MYRIP: variants seen among roughly 807,000 people sequenced by gnomAD.
MYRIP encodes the protein rab effector MyRIP.
Under a neutral mutation model 98.0 loss-of-function variants are expected in MYRIP, and 49 were observed. The ratio of observed to expected loss-of-function variants is 0.50; its 90% CI spans 0.40 to 0.63. The LOEUF is 0.63. Among genes scored for constraint, MYRIP ranks in the 30% least tolerant of loss-of-function variants. The pLI, the probability that MYRIP is intolerant of heterozygous loss-of-function variation, is 0.00. For missense variants in MYRIP, 1,004 were observed against 1,058.2 expected (o/e 0.95, Z 0.71); for synonymous variants, 404 against 409.5 (o/e 0.99, Z 0.16).
At chr3:40,017,239 C>A (rs764044623) in intron 2 of MYRIP, among the ~76,000 whole-genome samples, 1 of 152,200 alleles carries the variant, frequency 6.6e-6, no homozygotes, top group South Asian at 2.1e-4. Flanking sequence ...AACAAGGCAC[C>A]TTTCCCAGTG....
At chr3:40,225,493 C>T (rs1952462794) in intron 11 of MYRIP, among the ~76,000 whole-genome samples, 1 of 152,204 alleles carries the variant, frequency 6.6e-6, no homozygotes, top group Admixed American at 6.5e-5. Context: ...CATCACTTCC[C>T]ACAGTCCACT....
intron 3 of MYRIP, among the ~76,000 whole-genome samples, chr3:40,083,730 A>C (rs936218901): frequency 6.6e-6 from 1 of 152,214 alleles, no homozygotes; most frequent in Non-Finnish European, 1.5e-5. Context: ...CTCCATCTCA[A>C]ACCATGGAGG....
chr3:39,891,782 T>G, intron 1 of MYRIP, among the ~76,000 whole-genome samples: 1 of 152,136 alleles, frequency 6.6e-6, no homozygotes, highest in East Asian at 1.9e-4. Flanking sequence ...ACATGAAGAA[T>G]AAAAATAATA....
At chr3:40,074,255 T>G (rs1228270718) in intron 3 of MYRIP, among the ~76,000 whole-genome samples, 1 of 151,996 alleles carries the variant, frequency 6.6e-6, no homozygotes, top group Admixed American at 6.6e-5. Context: ...TTTGTGTTTT[T>G]AGTAGAGACA....
intron 3 of MYRIP, among the ~76,000 whole-genome samples, chr3:40,137,528 A>G (rs1164952484): frequency 6.6e-6 from 1 of 152,228 alleles, no homozygotes; most frequent in Non-Finnish European, 1.5e-5. Flanking sequence ...TCCCTAACTC[A>G]TTTTATGAGG....
At position 39,971,434 on chromosome 3, in the gene MYRIP, A is replaced by G. The variant is rs116379054; in HGVS notation, c.110+70508A>G. On this transcript the variant is annotated intron_variant, in intron 2 of 16. Coordinates refer to ENST00000302541, the MANE Select transcript of MYRIP (RefSeq NM_015460.4). ...AGTTACAATAGTATAGATAATAGAT[A>G]GTGTATATATTGATAGTCTAGATTA... Among the ~76,000 whole-genome samples, 1,417 of 152,164 alleles carry G rather than the reference A, an allele frequency of 9.3e-3. 23 individuals are homozygous for G. Among genetic ancestry groups the G allele is most frequent in the African/African-American group, 0.031 (1,303 of 41,542 alleles).
At chr3:40,181,407 C>T (rs980858327) in intron 8 of MYRIP, among the ~76,000 whole-genome samples, 2 of 152,174 alleles carry the variant, frequency 1.3e-5, no homozygotes, top group African/African-American at 4.8e-5. Flanking sequence ...CTGGTGCTGA[C>T]ATCAACCAGC....
At chr3:40,011,460 A>G (rs1015368518) in intron 2 of MYRIP, among the ~76,000 whole-genome samples, 1 of 152,216 alleles carries the variant, frequency 6.6e-6, no homozygotes, top group Non-Finnish European at 1.5e-5. Context: ...ACTGCCAAGT[A>G]TGAATGAAAA....
At chr3:40,078,916 A>T (rs1948414511) in intron 3 of MYRIP, among the ~76,000 whole-genome samples, 1 of 152,140 alleles carries the variant, frequency 6.6e-6, no homozygotes, top group African/African-American at 2.4e-5. Context: ...AAAGTGGAAT[A>T]TGCTCAGAGA....
chr3:40,135,352 G>T (rs150764486), intron 3 of MYRIP, among the ~76,000 whole-genome samples: 1 of 151,860 alleles, frequency 6.6e-6, no homozygotes, highest in East Asian at 1.9e-4. Flanking sequence ...AAAAAGAAAC[G>T]AAAAAAGCCT....
At chr3:40,145,811 G>T (rs1482338776) in intron 3 of MYRIP, among the ~76,000 whole-genome samples, 1 of 152,204 alleles carries the variant, frequency 6.6e-6, no homozygotes, top group Non-Finnish European at 1.5e-5. Flanking sequence ...CATAAAGCTT[G>T]CTGTGTCCAT....
At chr3:40,198,188 T>C (rs1385084997) in intron 10 of MYRIP, among the ~76,000 whole-genome samples, 1 of 151,050 alleles carries the variant, frequency 6.6e-6, no homozygotes, top group Non-Finnish European at 1.5e-5. Flanking sequence ...AAATACATTT[T>C]CAAAGTAGCT....
In MYRIP at chr3:40,131,460, G is replaced by A. The variant is rs147877783; in HGVS notation, c.333-19588G>A. Among the ~76,000 whole-genome samples, 9 of 152,226 alleles carry A rather than the reference G, an allele frequency of 5.9e-5. No homozygotes were observed. The East Asian group carries it at 1.4e-3, about 23-fold the overall frequency. ...AAATATTATTTTTAAGTGGGAAGCA[G>A]GTTCAAAGAGAGTACATGACTTAAT... is the stretch of plus-strand genomic sequence containing the variant. On this transcript the variant is annotated intron_variant, in intron 3 of 16. Transcript: ENST00000302541.
intron 2 of MYRIP, among the ~76,000 whole-genome samples, chr3:39,928,452 G>A (rs1192579406): frequency 2.0e-5 from 3 of 151,668 alleles, no homozygotes; most frequent in Non-Finnish European, 4.4e-5. Flanking sequence ...TTAACAAAAT[G>A]TAGCAATATA....
intron 1 of MYRIP, among the ~76,000 whole-genome samples, chr3:39,882,585 T>G (rs766297569): frequency 6.6e-6 from 1 of 152,314 alleles, no homozygotes; most frequent in South Asian, 2.1e-4. Context: ...CCTCAGTGGC[T>G]AAGAGCATGG....
At chr3:39,833,993 C>T (rs903322411) in intron 1 of MYRIP, among the ~76,000 whole-genome samples, 1 of 152,216 alleles carries the variant, frequency 6.6e-6, no homozygotes, top group Non-Finnish European at 1.5e-5. Context: ...TGCACCATTG[C>T]ATTCCAGCCT....
At chr3:40,175,559 C>T (rs1291408134) in intron 8 of MYRIP, among the ~76,000 whole-genome samples, 2 of 152,346 alleles carry the variant, frequency 1.3e-5, no homozygotes, top group Non-Finnish European at 2.9e-5. Flanking sequence ...GTCTTGCCCC[C>T]CGATGGCACT....
chr3:40,209,708 C>A, intron 10 of MYRIP, 146 bp from the exon 11 acceptor site: 2 of 1,039,816 alleles, frequency 1.9e-6, no homozygotes, highest in Admixed American at 5.0e-5. Flanking sequence ...AAAAGTCCAT[C>A]TGAAGAGAAA....
intron 2 of MYRIP, among the ~76,000 whole-genome samples, chr3:39,998,872 C>T (rs1004310901): frequency 1.2e-4 from 19 of 152,104 alleles, no homozygotes; most frequent in African/African-American, 2.2e-4. Context: ...GAAATAACGC[C>T]GCATATCTAC....
Sources: gnomAD v4.1 joint callset for allele counts (sites outside exome capture counted in the v4.1 genomes callset) on GRCh38, gnomAD v4.1.1 for gene constraint, MANE v1.5 for transcripts, NCBI Gene and HGNC (gene_info 2026-07-23, HGNC 2026-07-21) for gene names.